The following GSE1 variants were observed in gnomAD, a reference collection of about 807,000 sequenced individuals.
GSE1 encodes the protein genetic suppressor element 1.
A neutral mutation model predicts 112.6 loss-of-function variants in GSE1; 32 were observed. The ratio of observed to expected loss-of-function variants is 0.28; its 90% CI spans 0.21 to 0.38. The LOEUF (loss-of-function observed/expected upper bound fraction) is 0.38. Ranked by LOEUF, GSE1 falls within the 10% of genes least tolerant of loss-of-function variation. GSE1 has a pLI of 1.00. For synonymous variants in GSE1, 1,115 were observed against 735.6 expected (o/e 1.52, Z -8.35); for missense variants, 2,348 against 1,699.2 (o/e 1.38, Z -6.71).
intron 2 of GSE1, among the ~76,000 whole-genome samples, chr16:85,358,724 C>G (rs971941018): frequency 2.0e-5 from 3 of 152,270 alleles, no homozygotes; most frequent in Non-Finnish European, 2.9e-5. Context: ...TTTAGGGACG[C>G]TGACCCCTCT....
At chr16:85,389,183 G>A (rs957816156) in intron 2 of GSE1, among the ~76,000 whole-genome samples, 6 of 152,152 alleles carry the variant, frequency 3.9e-5, no homozygotes, top group African/African-American at 9.7e-5. Context: ...GCTAGGGGCC[G>A]GGGCAGTGGC....
At chr16:85,336,567 G>A (rs1264939652) in intron 1 of GSE1, among the ~76,000 whole-genome samples, 4 of 151,962 alleles carry the variant, frequency 2.6e-5, no homozygotes, top group African/African-American at 9.7e-5. Context: ...GTGTGAGCAT[G>A]TTCATGTGTG....
chr16:85,461,887 CAGG>C (rs2049978878), intron 2 of GSE1, among the ~76,000 whole-genome samples: 1 of 152,182 alleles, frequency 6.6e-6, no homozygotes, highest in East Asian at 1.9e-4. Context: ...CTGAGAGCGG[CAGG>C]CAGCCCTGCC....
chr16:85,647,751 T>C (rs900798067), intron 2 of GSE1, among the ~76,000 whole-genome samples: 2 of 152,094 alleles, frequency 1.3e-5, no homozygotes, highest in African/African-American at 4.8e-5. Flanking sequence ...CACGCCCGGC[T>C]AATATTTGTA....
At chr16:85,587,392 C>T (rs974257420) in intron 1 of GSE1, among the ~76,000 whole-genome samples, 3 of 152,346 alleles carry the variant, frequency 2.0e-5, no homozygotes, top group African/African-American at 7.2e-5. Flanking sequence ...CGGCCCTGGC[C>T]GTACCATCTG....
At chr16:85,340,298 G>A (rs549252939) in intron 1 of GSE1, among the ~76,000 whole-genome samples, 12 of 152,062 alleles carry the variant, frequency 7.9e-5, no homozygotes, top group South Asian at 4.2e-4. Flanking sequence ...TGCAGTGAGC[G>A]GTGATTGCAC....
At chr16:85,602,851 C>T (rs1313362563) in intron 1 of GSE1, among the ~76,000 whole-genome samples, 1 of 152,250 alleles carries the variant, frequency 6.6e-6, no homozygotes, top group Non-Finnish European at 1.5e-5. Context: ...ACAGGGGCTG[C>T]CCTTGCCCTC....
intron 8 of GSE1, among the ~76,000 whole-genome samples, chr16:85,658,186 C>T (rs767574595): frequency 6.6e-6 from 1 of 152,222 alleles, no homozygotes; most frequent in Non-Finnish European, 1.5e-5. Flanking sequence ...CCAGTCCTCC[C>T]TGCCCCTGCC....
intron 8 of GSE1, among the ~76,000 whole-genome samples, chr16:85,660,922 G>A (rs948271493): frequency 1.3e-5 from 2 of 152,166 alleles, no homozygotes; most frequent in East Asian, 2.0e-4. Context: ...GAGCCACTGC[G>A]CCCGGCCGAG....
intron 1 of GSE1, among the ~76,000 whole-genome samples, chr16:85,175,682 C>G (rs541359758): frequency 6.6e-6 from 1 of 152,304 alleles, no homozygotes; most frequent in Admixed American, 6.5e-5. Context: ...GAGCTAGAAA[C>G]AAGGCCAGCC....
chr16:85,439,527 C>T (rs571363168), intron 2 of GSE1, among the ~76,000 whole-genome samples: 80 of 140,270 alleles, frequency 5.7e-4, no homozygotes, highest in African/African-American at 1.8e-3. Context: ...GGGAAACACA[C>T]GGTCTGTCAC....
chr16:85,333,399 C>T (rs755052964), intron 1 of GSE1, among the ~76,000 whole-genome samples: 22 of 152,164 alleles, frequency 1.4e-4, no homozygotes, highest in Non-Finnish European at 2.4e-4. Flanking sequence ...GCCCACCAGG[C>T]TTCCCTTCCA....
intron 1 of GSE1, among the ~76,000 whole-genome samples, chr16:85,616,217 C>T (rs899993804): frequency 1.3e-5 from 2 of 152,234 alleles, no homozygotes; most frequent in East Asian, 1.9e-4. Flanking sequence ...GCCCCTGGAG[C>T]AGGTACTGTC....
chr16:85,534,614 C>T (rs1451646723), intron 2 of GSE1, among the ~76,000 whole-genome samples: 31 of 152,070 alleles, frequency 2.0e-4, no homozygotes, highest in Non-Finnish European at 4.4e-4. Flanking sequence ...TTTGTTTATT[C>T]GTCGTTTGTC....
At chr16:85,567,034 G>GCCCCC in intron 1 of GSE1, among the ~76,000 whole-genome samples, 1 of 146,714 alleles carries the variant, frequency 6.8e-6, no homozygotes, top group African/African-American at 2.5e-5. Context: ...TGTTACTCCC[G>GCCCCC]CCCCCACCCC....
intron 2 of GSE1, chr16:85,359,547 G>A: frequency 2.6e-6 from 1 of 378,216 alleles, no homozygotes; most frequent in Non-Finnish European, 5.4e-6. Flanking sequence ...GTTGGTAGAG[G>A]TTTCGTGGCA....
intron 2 of GSE1, among the ~76,000 whole-genome samples, chr16:85,533,523 G>A (rs748995369): frequency 2.0e-5 from 3 of 152,068 alleles, no homozygotes; most frequent in Non-Finnish European, 2.9e-5. Context: ...AAATAAATAT[G>A]CATATGTTGG....
At chr16:85,449,195 A>C (rs2151798384) in intron 2 of GSE1, among the ~76,000 whole-genome samples, 1 of 152,282 alleles carries the variant, frequency 6.6e-6, no homozygotes, top group South Asian at 2.1e-4. Context: ...TTGTGACTCT[A>C]ATGGTGCCCG....
intron 1 of GSE1, among the ~76,000 whole-genome samples, chr16:85,353,307 C>T (rs1013655595): frequency 6.6e-6 from 1 of 152,214 alleles, no homozygotes; most frequent in African/African-American, 2.4e-5. Context: ...TGCTACGCAC[C>T]TTCCTATACA....
Sources: gnomAD v4.1 joint callset for allele counts (sites outside exome capture counted in the v4.1 genomes callset) on GRCh38, gnomAD v4.1.1 for gene constraint, MANE v1.5 for transcripts, NCBI Gene and HGNC (gene_info 2026-07-23, HGNC 2026-07-21) for gene names.